The following MICALL1 variants were observed in gnomAD, a reference collection of about 807,000 sequenced individuals.
The protein encoded by MICALL1 is MICAL-like protein 1.
MICALL1 carries 61 observed loss-of-function variants against 83.7 expected under a neutral mutation model. The ratio of observed to expected loss-of-function variants is 0.73; its 90% CI spans 0.59 to 0.90. The LOEUF is 0.90. MICALL1 is among the 40% of genes least tolerant of loss of function. The probability of loss-of-function intolerance (pLI) is 0.00; values close to 1 mark genes in which losing one functional copy is unlikely to be tolerated. For synonymous variants in MICALL1, 481 were observed against 473.6 expected (o/e 1.02, Z -0.20); for missense variants, 1,066 against 1,152.0 (o/e 0.93, Z 1.08).
In MICALL1 at chr22:37,931,817, C is replaced by A; in HGVS notation, c.1900C>A (p.Pro634Thr). 6.2e-7 allele frequency: 1 copy of A among 1,614,130 alleles called. No individual in the cohort carries two copies. Among genetic ancestry groups the A allele is most frequent in the Non-Finnish European group, 8.5e-7 (1 of 1,180,020 alleles). The change falls in exon 10 of 16, where the codon CCT becomes ACT. Residue 634 changes from proline to threonine, a missense_variant. Pro to Thr is a conservative substitution (Grantham distance 38). Transcript: ENST00000215957. ...CCTTTAGTCCTCCTGCAAGGAGAAT[C>A]CTTTTAACCGGAAGCCATCACCTGC... ...LQVKSSCKEN[P>T]FNRKPSPAAS...
intron 3 of MICALL1, among the ~76,000 whole-genome samples, chr22:37,916,394 A>T (rs1928679447): frequency 6.6e-6 from 1 of 152,228 alleles, no homozygotes; most frequent in African/African-American, 2.4e-5. Flanking sequence ...TGGCCCCTAA[A>T]TGCAAACCAT....
chr22:37,933,209 C>T (rs1476449021), intron 13 of MICALL1, 97 bp downstream of exon 13: 55 of 1,258,082 alleles, frequency 4.4e-5, no homozygotes, highest in Non-Finnish European at 5.8e-5. Flanking sequence ...GTAGGATGCA[C>T]AGGCAGACTG....
intron 8 of MICALL1, 103 bp downstream of exon 8, chr22:37,926,146 A>T (rs532471455): frequency 7.2e-7 from 1 of 1,389,800 alleles, no homozygotes; most frequent in Admixed American, 2.7e-5. Flanking sequence ...GCCAGGCACC[A>T]CGTGTTTCAT....
At chr22:37,937,824 G>T (rs756129825) in intron 15 of MICALL1, 32 bp downstream of exon 15, 1 of 1,612,394 alleles carries the variant, frequency 6.2e-7, no homozygotes, top group Non-Finnish European at 8.5e-7. Flanking sequence ...AGGCTGGTGA[G>T]CACTTGAACT....
chr22:37,928,064 G>A (rs1304067111), intron 9 of MICALL1, among the ~76,000 whole-genome samples: 3 of 151,658 alleles, frequency 2.0e-5, no homozygotes, highest in Non-Finnish European at 4.4e-5. Flanking sequence ...CCACCACCAC[G>A]CCCGGCTAAT....
intron 13 of MICALL1, among the ~76,000 whole-genome samples, chr22:37,934,963 A>G (rs748613716): frequency 1.4e-4 from 20 of 147,710 alleles, no homozygotes; most frequent in Admixed American, 5.5e-4. Context: ...ATGGAGTCTC[A>G]CTCTGTTGCC....
intron 4 of MICALL1, 142 bp from the exon 5 acceptor site, chr22:37,918,894 C>T: frequency 9.3e-7 from 1 of 1,071,496 alleles, no homozygotes; most frequent in Non-Finnish European, 1.3e-6. Context: ...TCCTGGGGCC[C>T]TGATGAAGTC....
At chr22:37,908,904 G>A (rs562248564) in intron 1 of MICALL1, among the ~76,000 whole-genome samples, 6 of 152,282 alleles carry the variant, frequency 3.9e-5, no homozygotes, top group East Asian at 1.9e-4. Flanking sequence ...GGCAAGGGGC[G>A]GGAGGTGTGT....
chr22:37,936,050 G>C (rs943982425), intron 13 of MICALL1, among the ~76,000 whole-genome samples: 2 of 152,178 alleles, frequency 1.3e-5, no homozygotes, highest in Non-Finnish European at 2.9e-5. Flanking sequence ...TTTGAAGCCA[G>C]GGAAGCCTGT....
Position 37,924,323 on chromosome 22 carries a change from A to G in MICALL1, c.1025-337A>G, listed in dbSNP as rs1019272259. On this transcript the variant is annotated intron_variant, in intron 6 of 15. Transcript: ENST00000215957. The surrounding 1 kb of genome is among the most constrained non-coding windows in gnomAD (Gnocchi z 5.2). The stretch of plus-strand genomic sequence containing the variant: ...GGGAGCAGGGGCTGCTGTGGGATTC[A>G]CAGAGGACACTTGGGAGTCCAGGAC... Among the ~76,000 whole-genome samples, 1 of 152,154 alleles carries G rather than the reference A, an allele frequency of 6.6e-6. No individual in the cohort carries two copies. Among genetic ancestry groups the G allele is most frequent in the African/African-American group, 2.4e-5 (1 of 41,436 alleles).
chr22:37,937,386 C>CCTT (rs1930190191), intron 14 of MICALL1, among the ~76,000 whole-genome samples, 192 bp downstream of exon 14: 3 of 151,328 alleles, frequency 2.0e-5, no homozygotes, highest in South Asian at 4.2e-4. Context: ...GGCATCTGCT[C>CCTT]CTTCCTCCCG....
intron 5 of MICALL1, among the ~76,000 whole-genome samples, chr22:37,921,430 A>G (rs1174418951): frequency 6.6e-6 from 1 of 151,796 alleles, no homozygotes; most frequent in East Asian, 1.9e-4. Context: ...AAAATTAGCC[A>G]GGTGTGGTGG....
In MICALL1 at chr22:37,941,755, T is replaced by G. The variant is rs1930449633; in HGVS notation, c.*925T>G. ...TCTGTCTGCTCTGTTGTCTGTTCTT[T>G]CCCTGACTCCCTCCCACCGAAGGCC... On this transcript the variant is annotated 3_prime_UTR_variant, in exon 16 of 16. Transcript: ENST00000215957. 6.6e-6 allele frequency: 1 copy of G among 152,324 alleles called. No homozygotes were observed. Among genetic ancestry groups the G allele is most frequent in the Admixed American group, 6.6e-5 (1 of 15,256 alleles). 9.4% of individuals were successfully genotyped at this position (152,324 alleles called of 1,614,324 possible).
intron 1 of MICALL1, among the ~76,000 whole-genome samples, chr22:37,908,743 C>T (rs920714834): frequency 2.6e-5 from 4 of 152,182 alleles, no homozygotes; most frequent in Admixed American, 1.3e-4. Context: ...GTAGGGGAAA[C>T]GTGTATAAAC....
chr22:37,940,713 C>A lies in MICALL1; in HGVS notation c.2475C>A (p.Phe825Leu), dbSNP rs199714531. 2 of 1,613,794 alleles carry A rather than the reference C, an allele frequency of 1.2e-6. No individual in the cohort carries two copies. Among genetic ancestry groups the A allele is most frequent in the East Asian group, 2.2e-5 (1 of 44,854 alleles). The change falls in exon 16 of 16, where the codon TTC becomes TTA. Residue 825 changes from phenylalanine (F) to leucine (L), a missense_variant. Physicochemically the swap from Phe to Leu is conservative, Grantham distance 22. Transcript: ENST00000215957. ...GCTCCCCTCTCTGTGCTGCAGAGTT[C>A]CAGAGGGAGGCTGAACCTGAGGGCA... ...MLEAMIKKKEFQREAEPEGKK... is the reference protein window; with the variant it reads ...MLEAMIKKKELQREAEPEGKK...
At chr22:37,912,219 T>A in intron 2 of MICALL1, 132 bp from the exon 3 acceptor site, 1 of 1,226,614 alleles carries the variant, frequency 8.2e-7, no homozygotes, top group South Asian at 1.4e-5. Flanking sequence ...TGGGTGGGAT[T>A]AATACTGAGG....
chr22:37,937,402 C>T (rs931149947), intron 14 of MICALL1, among the ~76,000 whole-genome samples: 3 of 150,436 alleles, frequency 2.0e-5, no homozygotes, highest in African/African-American at 7.3e-5. Flanking sequence ...TCCCGTAGGA[C>T]TCTCAGCTGC....
chr22:37,936,249 G>T (rs1930116882), intron 13 of MICALL1, among the ~76,000 whole-genome samples: 1 of 152,132 alleles, frequency 6.6e-6, no homozygotes, highest in Admixed American at 6.5e-5. Flanking sequence ...GCCTCCTGCT[G>T]GGCTCCCTGC....
intron 13 of MICALL1, among the ~76,000 whole-genome samples, chr22:37,936,340 C>T (rs1027147584): frequency 6.6e-6 from 1 of 152,212 alleles, no homozygotes; most frequent in South Asian, 2.1e-4. Flanking sequence ...TGTTGCTTCT[C>T]CTGCTGGAGG....
Sources: gnomAD v4.1 joint callset for allele counts (sites outside exome capture counted in the v4.1 genomes callset) on GRCh38, gnomAD v4.1.1 for gene constraint, Gnocchi (gnomAD v3.1) non-coding constraint, MANE v1.5 for transcripts, NCBI Gene and HGNC (gene_info 2026-07-23, HGNC 2026-07-21) for gene names.